The following CNTNAP5 variants were observed in gnomAD, a reference collection of about 807,000 sequenced individuals.
The protein encoded by CNTNAP5 is contactin associated protein family member 5, also known as contactin-associated protein-like 5.
Under a neutral mutation model 150.2 loss-of-function variants are expected in CNTNAP5, and 72 were observed. The observed-to-expected ratio is 0.48, with a 90% CI of 0.40 to 0.58. CNTNAP5 has a LOEUF of 0.58. Ranked by LOEUF, CNTNAP5 falls within the 20% of genes least tolerant of loss-of-function variation. The pLI is 0.00. For synonymous variants in CNTNAP5, 672 were observed against 619.8 expected (o/e 1.08, Z -1.25); for missense variants, 1,636 against 1,626.2 (o/e 1.01, Z -0.10).
chr2:124,221,261 G>A (rs1170758707), intron 1 of CNTNAP5, among the ~76,000 whole-genome samples: 1 of 152,140 alleles, frequency 6.6e-6, no homozygotes, highest in African/African-American at 2.4e-5. Context: ...ATTATTACGG[G>A]AGCTCTTAGG....
intron 14 of CNTNAP5, among the ~76,000 whole-genome samples, chr2:124,755,402 G>A (rs1680818147): frequency 6.6e-6 from 1 of 152,144 alleles, no homozygotes. Context: ...CCCTGAGGAG[G>A]TGGCTTTACC....
intron 3 of CNTNAP5, among the ~76,000 whole-genome samples, chr2:124,399,427 A>G (rs1691348260): frequency 6.6e-6 from 1 of 152,184 alleles, no homozygotes; most frequent in African/African-American, 2.4e-5. Flanking sequence ...ATCTCCTCAA[A>G]GATTCCCATT....
chr2:124,124,446 C>G (rs1683638704), intron 1 of CNTNAP5, among the ~76,000 whole-genome samples: 1 of 152,094 alleles, frequency 6.6e-6, no homozygotes, highest in Non-Finnish European at 1.5e-5. Context: ...ATTGGTGTAC[C>G]TAAAAGAGAC....
intron 1 of CNTNAP5, among the ~76,000 whole-genome samples, chr2:124,066,993 A>G (rs549001814): frequency 1.3e-5 from 2 of 152,176 alleles, no homozygotes; most frequent in Non-Finnish European, 2.9e-5. Context: ...GTACTCTTCA[A>G]GACCACATTG....
chr2:124,424,471 A>G (rs1268185545), intron 4 of CNTNAP5, among the ~76,000 whole-genome samples: 1 of 152,222 alleles, frequency 6.6e-6, no homozygotes, highest in Non-Finnish European at 1.5e-5. Flanking sequence ...AAAATCTCCA[A>G]GATGCCAGAT....
intron 3 of CNTNAP5, among the ~76,000 whole-genome samples, chr2:124,277,529 A>G (rs1015270621): frequency 3.3e-5 from 5 of 152,166 alleles, no homozygotes; most frequent in African/African-American, 1.2e-4. Flanking sequence ...ATTTCTTTAA[A>G]AAGTGATGGG....
At chr2:124,062,028 G>A (rs977896077) in intron 1 of CNTNAP5, among the ~76,000 whole-genome samples, 3 of 151,286 alleles carry the variant, frequency 2.0e-5, no homozygotes, top group Non-Finnish European at 4.4e-5. Flanking sequence ...TCTTACTTGG[G>A]CTGTTTCCAC....
chr2:124,326,651 A>G (rs561103171), intron 3 of CNTNAP5, among the ~76,000 whole-genome samples: 3 of 152,262 alleles, frequency 2.0e-5, no homozygotes, highest in South Asian at 4.1e-4. Context: ...TAGGCCAGGC[A>G]TGATGGCCTA....
intron 19 of CNTNAP5, among the ~76,000 whole-genome samples, chr2:124,854,699 T>G (rs982259037): frequency 6.6e-6 from 1 of 152,244 alleles, no homozygotes; most frequent in South Asian, 2.1e-4. Flanking sequence ...TAAGATAGCA[T>G]GTCCCATGTT....
At chr2:124,439,412 T>C (rs947726914) in intron 5 of CNTNAP5, among the ~76,000 whole-genome samples, 2 of 152,190 alleles carry the variant, frequency 1.3e-5, no homozygotes, top group African/African-American at 4.8e-5. Context: ...AGCTTGGTTA[T>C]ATTAATTGGA....
intron 14 of CNTNAP5, among the ~76,000 whole-genome samples, chr2:124,757,953 C>G (rs972713316): frequency 6.6e-6 from 1 of 152,076 alleles, no homozygotes; most frequent in Non-Finnish European, 1.5e-5. Flanking sequence ...AGGTAGAGAC[C>G]TCTTAAAAGG....
At chr2:124,209,902 G>A (rs1235992207) in intron 1 of CNTNAP5, among the ~76,000 whole-genome samples, 1 of 152,230 alleles carries the variant, frequency 6.6e-6, no homozygotes, top group Non-Finnish European at 1.5e-5. Flanking sequence ...TTGTTGATGA[G>A]TGAGCAAGTG....
intron 3 of CNTNAP5, among the ~76,000 whole-genome samples, chr2:124,254,928 A>T (rs1687269409): frequency 6.6e-6 from 1 of 152,282 alleles, no homozygotes; most frequent in South Asian, 2.1e-4. Context: ...TCCTTCCACT[A>T]GATAAGATAT....
intron 7 of CNTNAP5, among the ~76,000 whole-genome samples, chr2:124,485,448 C>G (rs1558922714): frequency 6.6e-6 from 1 of 151,650 alleles, no homozygotes; most frequent in African/African-American, 2.4e-5. Flanking sequence ...CCCGTATCTA[C>G]TAAAAATACA....
chr2:124,250,610 T>C (rs1008433078), intron 3 of CNTNAP5, among the ~76,000 whole-genome samples: 4 of 151,936 alleles, frequency 2.6e-5, no homozygotes, highest in Non-Finnish European at 5.9e-5. Context: ...AGCAGGCTCA[T>C]TAGGGACCAT....
At chr2:124,395,422 G>A (rs1486841515) in intron 3 of CNTNAP5, among the ~76,000 whole-genome samples, 1 of 152,058 alleles carries the variant, frequency 6.6e-6, no homozygotes, top group African/African-American at 2.4e-5. Flanking sequence ...CCCAGAAACA[G>A]CATAGGATGT....
intron 3 of CNTNAP5, among the ~76,000 whole-genome samples, chr2:124,363,030 G>T (rs147615107): frequency 2.0e-5 from 3 of 152,166 alleles, no homozygotes; most frequent in Non-Finnish European, 2.9e-5. Flanking sequence ...ATAATAAGGT[G>T]GAGAAAACAT....
chr2:124,431,559 T>C (rs1057099566), intron 4 of CNTNAP5, among the ~76,000 whole-genome samples: 3 of 144,798 alleles, frequency 2.1e-5, no homozygotes, highest in Non-Finnish European at 4.5e-5. Context: ...TTATATATAA[T>C]TTCTTTATAT....
intron 21 of CNTNAP5, among the ~76,000 whole-genome samples, chr2:124,870,380 G>T (rs1375369071): frequency 6.6e-6 from 1 of 151,726 alleles, no homozygotes; most frequent in East Asian, 1.9e-4. Context: ...TGTTTGCCTG[G>T]CCTCTTTTCT....
Sources: gnomAD v4.1 joint callset for allele counts (sites outside exome capture counted in the v4.1 genomes callset) on GRCh38, gnomAD v4.1.1 for gene constraint, MANE v1.5 for transcripts, NCBI Gene and HGNC (gene_info 2026-07-23, HGNC 2026-07-21) for gene names.